Variants in THSD7B observed in about 807,000 individuals in gnomAD.
THSD7B encodes thrombospondin type 1 domain containing 7B, also known as thrombospondin type-1 domain-containing protein 7B.
THSD7B carries 138 observed loss-of-function variants against 213.6 expected under a neutral mutation model. That is an observed-to-expected ratio of 0.65 (90% CI 0.56 to 0.74). THSD7B has a LOEUF of 0.74. THSD7B is among the 30% of genes least tolerant of loss of function. The pLI is 0.00. For synonymous variants in THSD7B, 742 were observed against 687.0 expected, an observed-to-expected ratio of 1.08 and a Z score of -1.25; for missense variants, 1,931 against 1,991.5, an observed-to-expected ratio of 0.97 and a Z score of 0.58.
intron 16 of THSD7B, among the ~76,000 whole-genome samples, chr2:137,569,422 C>T (rs1405962563): frequency 7.2e-5 from 11 of 152,096 alleles, no homozygotes; most frequent in Non-Finnish European, 1.5e-4. Flanking sequence ...GTCCAAAGAC[C>T]CTTTTGTGAC....
intron 15 of THSD7B, among the ~76,000 whole-genome samples, chr2:137,501,120 G>C (rs1679693009): frequency 6.6e-6 from 1 of 151,980 alleles, no homozygotes; most frequent in Non-Finnish European, 1.5e-5. Flanking sequence ...TTCTGTCAGG[G>C]GGTATATTGC....
intron 12 of THSD7B, among the ~76,000 whole-genome samples, chr2:137,282,151 C>A (rs1369903665): frequency 6.6e-6 from 1 of 151,864 alleles, no homozygotes; most frequent in Non-Finnish European, 1.5e-5. Context: ...TCTCTGATGG[C>A]CAGTGATGAT....
intron 20 of THSD7B, chr2:137,642,225 A>G (rs1682952292): frequency 8.2e-6 from 3 of 364,188 alleles, no homozygotes; most frequent in Non-Finnish European, 1.0e-5. Context: ...AGATCAGTCT[A>G]CTTGGCAACA....
chr2:136,941,017 C>T (rs903451211), intron 2 of THSD7B, among the ~76,000 whole-genome samples: 3 of 151,992 alleles, frequency 2.0e-5, no homozygotes, highest in South Asian at 2.1e-4. Context: ...CCCCCCACCC[C>T]ATGACAGGCC....
intron 1 of THSD7B, among the ~76,000 whole-genome samples, chr2:136,792,405 C>A (rs760173007): frequency 2.6e-5 from 4 of 151,968 alleles, no homozygotes; most frequent in African/African-American, 9.7e-5. Context: ...ATTCTTAGGG[C>A]AGTGTGACTA....
At chr2:136,908,195 G>C (rs1364108728) in intron 2 of THSD7B, among the ~76,000 whole-genome samples, 1 of 152,042 alleles carries the variant, frequency 6.6e-6, no homozygotes, top group Non-Finnish European at 1.5e-5. Flanking sequence ...TTAAGTTATT[G>C]TGCCATGTAC....
intron 4 of THSD7B, among the ~76,000 whole-genome samples, chr2:137,096,604 C>A (rs1184146222): frequency 6.6e-6 from 1 of 152,152 alleles, no homozygotes; most frequent in African/African-American, 2.4e-5. Context: ...AAACTCTCAG[C>A]CTCACAGAAC....
chr2:137,438,737 T>C (rs555582636), intron 14 of THSD7B, among the ~76,000 whole-genome samples: 1 of 152,196 alleles, frequency 6.6e-6, no homozygotes, highest in South Asian at 2.1e-4. Context: ...TTCTCTTCTT[T>C]ATTATAATCT....
intron 10 of THSD7B, 30 bp downstream of exon 10, chr2:137,242,602 C>A: frequency 6.6e-7 from 1 of 1,514,144 alleles, no homozygotes; most frequent in Non-Finnish European, 9.2e-7. Context: ...TTAGTTCTTT[C>A]TTCCCTAACC....
At chr2:136,788,527 A>G (rs888127978) in intron 1 of THSD7B, among the ~76,000 whole-genome samples, 1 of 152,158 alleles carries the variant, frequency 6.6e-6, no homozygotes, top group Non-Finnish European at 1.5e-5. Flanking sequence ...TCAGCTCAGG[A>G]AAAAAATATT....
intron 2 of THSD7B, among the ~76,000 whole-genome samples, chr2:136,976,328 T>C (rs1053970035): frequency 6.6e-6 from 1 of 152,220 alleles, no homozygotes; most frequent in African/African-American, 2.4e-5. Flanking sequence ...ATCTTATTAT[T>C]TAGAGGTACT....
chr2:137,567,953 T>C (rs1429917874), intron 16 of THSD7B, among the ~76,000 whole-genome samples: 1 of 151,748 alleles, frequency 6.6e-6, no homozygotes, highest in Non-Finnish European at 1.5e-5. Context: ...TTAGAGCAAA[T>C]AGGAAGATTC....
intron 2 of THSD7B, among the ~76,000 whole-genome samples, chr2:136,919,746 CCCACACCTACCAAGGGTGAG>C (rs1684404367): frequency 1.3e-5 from 2 of 152,154 alleles, no homozygotes; most frequent in African/African-American, 2.4e-5. Flanking sequence ...TGGCCTGGAT[CCCACACCTACCAAGGGTGAG>C]CCAGGTGCAG....
intron 12 of THSD7B, among the ~76,000 whole-genome samples, chr2:137,402,253 T>C (rs1436781861): frequency 6.6e-6 from 1 of 152,190 alleles, no homozygotes; most frequent in Non-Finnish European, 1.5e-5. Context: ...TTGTTTAGAC[T>C]TGAAATTTTC....
intron 2 of THSD7B, among the ~76,000 whole-genome samples, chr2:136,978,452 G>A (rs1239151395): frequency 6.6e-6 from 1 of 152,120 alleles, no homozygotes; most frequent in East Asian, 1.9e-4. Context: ...CCAATAACTT[G>A]TTTTATGAAT....
chr2:137,579,390 C>T (rs2105243377), intron 17 of THSD7B, among the ~76,000 whole-genome samples: 1 of 152,302 alleles, frequency 6.6e-6, no homozygotes, highest in African/African-American at 2.4e-5. Context: ...CCAGCAGGCC[C>T]TTTGGACTGG....
At chr2:137,191,242 G>A (rs13029362) in intron 7 of THSD7B, among the ~76,000 whole-genome samples, 6,992 of 152,222 alleles carry the variant, frequency 0.046, 201 homozygotes, top group Admixed American at 0.071. Context: ...CATTGGTGGC[G>A]GGATTTGTGA....
At chr2:136,968,054 TACAA>T (rs986968962) in intron 2 of THSD7B, among the ~76,000 whole-genome samples, 1 of 152,174 alleles carries the variant, frequency 6.6e-6, no homozygotes, top group African/African-American at 2.4e-5. Flanking sequence ...TTTTTATTAT[TACAA>T]ACAGTGCTGC....
intron 12 of THSD7B, among the ~76,000 whole-genome samples, chr2:137,329,647 G>A (rs1684449835): frequency 6.6e-6 from 1 of 152,178 alleles, no homozygotes; most frequent in Non-Finnish European, 1.5e-5. Context: ...TTATAGGCAT[G>A]AGCCACTGCA....
Sources: gnomAD v4.1 joint callset for allele counts (sites outside exome capture counted in the v4.1 genomes callset) on GRCh38, gnomAD v4.1.1 for gene constraint, MANE v1.5 for transcripts, NCBI Gene and HGNC (gene_info 2026-07-23, HGNC 2026-07-21) for gene names.